The following GNL2 variants were observed in gnomAD, a reference collection of about 807,000 sequenced individuals.
GNL2 encodes the protein nucleolar GTP-binding protein 2.
Under a neutral mutation model 92.3 loss-of-function variants are expected in GNL2, and 51 were observed. The observed-to-expected ratio is 0.55, with a 90% CI of 0.44 to 0.70. GNL2 has a LOEUF of 0.70. GNL2 is among the 30% of genes least tolerant of loss of function. GNL2 has a pLI of 0.00. For missense variants in GNL2, 844 were observed against 895.6 expected, an observed-to-expected ratio of 0.94 and a Z score of 0.74; for synonymous variants, 283 against 300.6, an observed-to-expected ratio of 0.94 and a Z score of 0.61.
At chr1:37,580,514 TATGTCCCATGGA>T (rs1643749551) in intron 8 of GNL2, among the ~76,000 whole-genome samples, 2 of 152,152 alleles carry the variant, frequency 1.3e-5, no homozygotes, top group Non-Finnish European at 2.9e-5. Flanking sequence ...TTTTGGAAAA[TATGTCCCATGGA>T]AAGAAAGGAG....
rs1023922859 is a variant in GNL2 at position 37,575,053 on chromosome 1, A to G, written c.1144-230T>C. Among the ~76,000 whole-genome samples, 2 of 152,194 alleles carry G rather than the reference A, an allele frequency of 1.3e-5. No homozygotes were observed. The highest frequency in any genetic ancestry group is 1.3e-4 in the Admixed American group (2 of 15,280). On this transcript the variant is annotated intron_variant, in intron 10 of 15. Transcript: ENST00000373062. This position sits in a 1 kb window ranked among gnomAD's most constrained non-coding sequence, Gnocchi z 4.1. ...CTCAGCTTTAATCCCCACTCACCACAAACTAACTGTGTGGCTGCCACAGTT... is the reference window on the plus strand; with the variant it reads ...CTCAGCTTTAATCCCCACTCACCACGAACTAACTGTGTGGCTGCCACAGTT...
rs751425186 is a variant in GNL2 at position 37,575,740 on chromosome 1, C to T, written c.1039-41G>A. 8.0e-7 allele frequency: 1 copy of T among 1,243,494 alleles called. No individual in the cohort carries two copies. Among genetic ancestry groups the T allele is most frequent in the Non-Finnish European group, 1.2e-6 (1 of 867,874 alleles). 77.0% of individuals were successfully genotyped at this position (1,243,494 alleles called of 1,614,324 possible). Reference sequence around the variant, plus strand: ...AGTCAGAGATGTCCTGTATCAAACACTAAGAGTCTAATTTCACAAACCCCT... The same window carrying T: ...AGTCAGAGATGTCCTGTATCAAACATTAAGAGTCTAATTTCACAAACCCCT... On this transcript the variant is annotated intron_variant, in intron 9 of 15. Transcript: ENST00000373062. This position sits in a 1 kb window ranked among gnomAD's most constrained non-coding sequence, Gnocchi z 4.1.
intron 12 of GNL2, among the ~76,000 whole-genome samples, chr1:37,573,671 A>G (rs1339366546): frequency 6.6e-6 from 1 of 152,268 alleles, no homozygotes; most frequent in East Asian, 1.9e-4. Flanking sequence ...TCGTAAGCAT[A>G]AGAAAAGATA....
intron 14 of GNL2, 65 bp downstream of exon 14, chr1:37,568,210 C>A: frequency 8.0e-6 from 8 of 998,058 alleles, no homozygotes; most frequent in Non-Finnish European, 1.3e-5. Flanking sequence ...GGAGACTGAA[C>A]TTAGGTTTCT....
At chr1:37,581,217 C>A in intron 8 of GNL2, 1 of 373,154 alleles carries the variant, frequency 2.7e-6, no homozygotes, top group Non-Finnish European at 5.3e-6. Context: ...AGGAAAATAA[C>A]AGAACTAATG....
chr1:37,582,372 A>G, intron 7 of GNL2, 36 bp from the exon 8 acceptor site: 2 of 1,260,498 alleles, frequency 1.6e-6, no homozygotes, highest in Non-Finnish European at 2.3e-6. Flanking sequence ...GGTAAACTGC[A>G]GTACATTTAT....
Position 37,566,983 on chromosome 1 carries a change from G to C in GNL2, c.2068C>G (p.Arg690Gly). 1.2e-6 allele frequency: 2 copies of C among 1,613,540 alleles called. No homozygotes were observed. Among genetic ancestry groups the C allele is most frequent in the Non-Finnish European group, 8.5e-7 (1 of 1,179,906 alleles). Reference protein sequence around the residue: ...KERRRAVRQQRPKKVGVRYYE... With the variant: ...KERRRAVRQQGPKKVGVRYYE... ...TAGCGCACACCAACTTTTTTCGGCCGTTGCTGTCGTACTGCTCGCCTCCGC... is the reference window on the plus strand; with the variant it reads ...TAGCGCACACCAACTTTTTTCGGCCCTTGCTGTCGTACTGCTCGCCTCCGC... Residue 690 changes from arginine to glycine, a missense_variant, in exon 16 of 16, where the codon CGG becomes GGG. Coordinates refer to ENST00000373062, the MANE Select transcript of GNL2 (RefSeq NM_013285.3).
At chr1:37,587,689 T>C (rs561193924) in intron 4 of GNL2, among the ~76,000 whole-genome samples, 194 bp from the exon 5 acceptor site, 1 of 152,338 alleles carries the variant, frequency 6.6e-6, no homozygotes, top group African/African-American at 2.4e-5. Flanking sequence ...ACTGGTTCCC[T>C]TATTCTGAAG....
intron 5 of GNL2, 60 bp from the exon 6 acceptor site, chr1:37,583,993 T>C: frequency 2.0e-6 from 2 of 975,924 alleles, no homozygotes; most frequent in Non-Finnish European, 3.3e-6. Context: ...AAAGGATGCT[T>C]TAGGGTAAAG....
intron 3 of GNL2, among the ~76,000 whole-genome samples, chr1:37,591,641 G>A (rs1310772926): frequency 2.0e-5 from 3 of 151,816 alleles, no homozygotes; most frequent in African/African-American, 7.3e-5. Flanking sequence ...AAGTAGCTGG[G>A]ATTACAGGTG....
At chr1:37,582,634 AT>A (rs1339250298) in intron 7 of GNL2, 143 bp downstream of exon 7, 5 of 721,436 alleles carry the variant, frequency 6.9e-6, no homozygotes, top group Non-Finnish European at 1.1e-5. Context: ...TCTGCCCACT[AT>A]CAATGAGCAC....
In GNL2 at chr1:37,567,781, C is replaced by A. The variant is rs1643530071; in HGVS notation, c.1952-17G>T. The A allele has an allele frequency of 3.8e-6, 6 of 1,587,282 alleles. No homozygotes were observed. The highest frequency in any genetic ancestry group is 5.2e-6 in the Non-Finnish European group (6 of 1,155,946). Reference sequence around the variant, plus strand: ...TGGAAGGTGCTGGATACAAACAATACACAAACAGGAATTTTCTATTGAAAA... The same window carrying A: ...TGGAAGGTGCTGGATACAAACAATAAACAAACAGGAATTTTCTATTGAAAA... On this transcript the variant is annotated splice_polypyrimidine_tract_variant and intron_variant, in intron 14 of 15. Coordinates refer to ENST00000373062, the MANE Select transcript of GNL2 (RefSeq NM_013285.3).
chr1:37,586,931 T>C (rs578081593), intron 5 of GNL2, among the ~76,000 whole-genome samples: 1 of 152,230 alleles, frequency 6.6e-6, no homozygotes, highest in East Asian at 1.9e-4. Flanking sequence ...AAGAAAATGT[T>C]TTGTTGCAGA....
Position 37,567,767 on chromosome 1 carries a change from G to T in GNL2, c.1952-3C>A. The T allele has an allele frequency of 6.2e-7, 1 of 1,607,498 alleles. No individual in the cohort carries two copies. The highest frequency in any genetic ancestry group is 8.5e-7 in the Non-Finnish European group (1 of 1,174,106). ...CTTCTTTCCCTTTTTGGAAGGTGCT[G>T]GATACAAACAATACACAAACAGGAA... is the stretch of plus-strand genomic sequence containing the variant. On this transcript the variant is annotated splice_polypyrimidine_tract_variant and splice_region_variant and intron_variant, in intron 14 of 15. Transcript: ENST00000373062.
intron 14 of GNL2, 105 bp from the exon 15 acceptor site, chr1:37,567,869 G>A (rs1643531772): frequency 1.2e-6 from 1 of 841,618 alleles, no homozygotes; most frequent in African/African-American, 1.7e-5. Flanking sequence ...ACCCAATGTG[G>A]ACAGAGCAGG....
chr1:37,581,475 G>A (rs1268070128), intron 8 of GNL2: 1 of 455,960 alleles, frequency 2.2e-6, no homozygotes, highest in Admixed American at 2.3e-5. Context: ...GAAGCTGCAT[G>A]GGCTCCATGG....
chr1:37,595,778 G>C lies in GNL2; in HGVS notation c.45C>G (p.Ser15=), dbSNP rs770418237. The C allele has an allele frequency of 6.2e-7, 1 of 1,614,188 alleles. No individual in the cohort carries two copies. Among genetic ancestry groups the C allele is most frequent in the Admixed American group, 1.7e-5 (1 of 60,024 alleles). ...KYKGRSTINP[S]KASTNPDRVQ... is the part of the protein sequence containing the mutation. ...CTGTACCTGGGTTTGTGCTGGCCTT[G>C]GACGGGTTGATGGTGCTCCGTCCTT... The change falls in exon 1 of 16, where the codon TCC becomes TCG. Residue 15 remains serine (S), a synonymous_variant. Transcript: ENST00000373062.
chr1:37,574,471 A>G lies in GNL2; in HGVS notation c.1303-15T>C. On this transcript the variant is annotated splice_polypyrimidine_tract_variant and intron_variant, in intron 11 of 15. Coordinates refer to ENST00000373062, the MANE Select transcript of GNL2 (RefSeq NM_013285.3). ...GGCTCTCCACCCTGAAAGGTCACAA[A>G]GAGATTCCCAATTAAATTCAAAGGA... is the stretch of plus-strand genomic sequence containing the variant. 1.3e-6 allele frequency: 2 copies of G among 1,598,460 alleles called. No individual in the cohort carries two copies. Among genetic ancestry groups the G allele is most frequent in the African/African-American group, 1.3e-5 (1 of 74,730 alleles).
intron 6 of GNL2, 140 bp downstream of exon 6, chr1:37,583,727 T>C (rs1031492753): frequency 2.8e-5 from 16 of 575,918 alleles, no homozygotes; most frequent in Non-Finnish European, 4.7e-5. Flanking sequence ...CCGAGTTTCT[T>C]TGTAGGAGGA....
Sources: allele counts gnomAD v4.1 joint callset (sites outside exome capture counted in the v4.1 genomes callset), GRCh38; gene constraint gnomAD v4.1.1; non-coding constraint Gnocchi (gnomAD v3.1); transcripts MANE v1.5; gene names NCBI Gene and HGNC (gene_info 2026-07-23, HGNC 2026-07-21).